The following DOCK1 variants were observed in gnomAD, a reference collection of about 807,000 sequenced individuals.
DOCK1 encodes dedicator of cytokinesis protein 1.
DOCK1 carries 138 observed loss-of-function variants against 262.7 expected under a neutral mutation model. The observed-to-expected ratio is 0.53, with a 90% confidence interval of 0.46 to 0.61. The LOEUF is 0.61. Among genes scored for constraint, DOCK1 ranks in the 20% least tolerant of loss-of-function variants. The pLI, the probability that DOCK1 is intolerant of heterozygous loss-of-function variation, is 0.00. For missense variants in DOCK1, 1,908 were observed against 2,370.7 expected, an observed-to-expected ratio of 0.80 and a Z score of 4.05; for synonymous variants, 866 against 867.4, an observed-to-expected ratio of 1.00 and a Z score of 0.03.
intron 1 of DOCK1, among the ~76,000 whole-genome samples, chr10:126,958,642 C>T (rs915339685): frequency 6.6e-6 from 1 of 152,066 alleles, no homozygotes; most frequent in Non-Finnish European, 1.5e-5. Flanking sequence ...CTTTGGGCAC[C>T]TGGGTATTAG....
chr10:127,443,076 C>A (rs2070294118), intron 49 of DOCK1, among the ~76,000 whole-genome samples: 1 of 152,138 alleles, frequency 6.6e-6, no homozygotes, highest in Non-Finnish European at 1.5e-5. Flanking sequence ...TCTACACATG[C>A]CTCTCTCCTC....
intron 15 of DOCK1, chr10:127,026,070 AAAG>A (rs1168493484): frequency 3.2e-5 from 10 of 307,786 alleles, no homozygotes; most frequent in East Asian, 2.1e-4. Flanking sequence ...AAAAAAAAAA[AAAG>A]AAAGAAAAAA....
chr10:127,191,722 G>C (rs1281764507), intron 27 of DOCK1, among the ~76,000 whole-genome samples: 1 of 152,178 alleles, frequency 6.6e-6, no homozygotes, highest in Non-Finnish European at 1.5e-5. Context: ...CAGTGAATAG[G>C]ATATAGCCCC....
rs375666837 is a variant in DOCK1 at position 127,106,246 on chromosome 10, T to C, written c.2461T>C (p.Tyr821His). The C allele has an allele frequency of 2.7e-5, 43 of 1,592,186 alleles. No homozygotes were observed. The highest frequency in any genetic ancestry group is 3.4e-5 in the Non-Finnish European group (40 of 1,167,994). ...TGATTTGCAGGGGGCAGCACTGAAA[T>C]ACTTACCAACGATCGTCAACGATGT... ...TVRVKGAALKYLPTIVNDVKL... is the reference protein window; with the variant it reads ...TVRVKGAALKHLPTIVNDVKL... Residue 821 changes from tyrosine (Y) to histidine (H), a missense_variant, in exon 24 of 52, where the codon TAC becomes CAC. Tyr to His is a moderately conservative substitution (Grantham distance 83, BLOSUM62 2). Transcript: ENST00000623213.
At chr10:127,026,161 T>C in intron 15 of DOCK1, 191 bp from the exon 16 acceptor site, 1 of 596,802 alleles carries the variant, frequency 1.7e-6, no homozygotes, top group Non-Finnish European at 2.9e-6. Flanking sequence ...TTGGCAGCTG[T>C]TACAATATGA....
chr10:127,206,506 G>A (rs1411861101), intron 27 of DOCK1, among the ~76,000 whole-genome samples: 1 of 152,148 alleles, frequency 6.6e-6, no homozygotes, highest in African/African-American at 2.4e-5. Flanking sequence ...CGCTATCAAT[G>A]TACAGAATTG....
intron 10 of DOCK1, among the ~76,000 whole-genome samples, chr10:127,005,583 C>A (rs1281418815): frequency 1.3e-5 from 2 of 152,078 alleles, no homozygotes; most frequent in African/African-American, 4.8e-5. Context: ...ACATTTCTGT[C>A]TTTTAACCTT....
At chr10:127,224,963 T>A (rs1485446578) in intron 27 of DOCK1, among the ~76,000 whole-genome samples, 2 of 152,098 alleles carry the variant, frequency 1.3e-5, no homozygotes, top group Admixed American at 1.3e-4. Flanking sequence ...AAAGCCATAC[T>A]TAATTGTTTA....
intron 27 of DOCK1, among the ~76,000 whole-genome samples, chr10:127,170,507 T>C (rs1392188454): frequency 1.3e-5 from 2 of 152,240 alleles, no homozygotes; most frequent in African/African-American, 2.4e-5. Context: ...AGAGTATCAT[T>C]AGGCTGTCAC....
intron 1 of DOCK1, among the ~76,000 whole-genome samples, chr10:126,915,335 C>T (rs545528820): frequency 4.0e-4 from 60 of 151,444 alleles, no homozygotes; most frequent in Non-Finnish European, 7.8e-4. Context: ...GTGTATTTTG[C>T]TACTTATGTC....
At chr10:127,391,134 A>C (rs2066452744) in intron 38 of DOCK1, among the ~76,000 whole-genome samples, 1 of 152,242 alleles carries the variant, frequency 6.6e-6, no homozygotes, top group South Asian at 2.1e-4. Flanking sequence ...AAAGAGTTAC[A>C]AAATGGGGAC....
intron 29 of DOCK1, among the ~76,000 whole-genome samples, chr10:127,313,514 G>A (rs891673542): frequency 6.6e-6 from 1 of 152,212 alleles, no homozygotes. Flanking sequence ...TCCTCCTTGG[G>A]TCAATCAATG....
intron 1 of DOCK1, among the ~76,000 whole-genome samples, chr10:126,940,495 C>T (rs1339650527): frequency 6.6e-6 from 1 of 152,156 alleles, no homozygotes; most frequent in African/African-American, 2.4e-5. Flanking sequence ...CCTCTGCCTC[C>T]CGGGTTCAAA....
chr10:127,112,487 TAGAC>T (rs967968322), intron 25 of DOCK1, among the ~76,000 whole-genome samples: 4 of 152,336 alleles, frequency 2.6e-5, no homozygotes, highest in Admixed American at 6.5e-5. Flanking sequence ...CCTTTTATCT[TAGAC>T]AGCCTGAAGT....
intron 18 of DOCK1, among the ~76,000 whole-genome samples, chr10:127,035,406 G>C (rs1370522242): frequency 6.6e-6 from 1 of 152,154 alleles, no homozygotes; most frequent in Admixed American, 6.5e-5. Context: ...TGGGCTGTGA[G>C]TCCCGGTAAT....
At chr10:127,254,891 TG>T in intron 28 of DOCK1, among the ~76,000 whole-genome samples, 1 of 152,272 alleles carries the variant, frequency 6.6e-6, no homozygotes, top group East Asian at 1.9e-4. Context: ...AAGTGAAGCA[TG>T]GGGACAAGAA....
chr10:127,284,861 G>T (rs760767833), intron 29 of DOCK1, among the ~76,000 whole-genome samples: 2 of 152,126 alleles, frequency 1.3e-5, no homozygotes, highest in Non-Finnish European at 2.9e-5. Flanking sequence ...GGCCAGGTGC[G>T]GTGGCTCACG....
chr10:127,334,390 T>C (rs1158613470), intron 29 of DOCK1, among the ~76,000 whole-genome samples: 1 of 152,238 alleles, frequency 6.6e-6, no homozygotes, highest in Non-Finnish European at 1.5e-5. Context: ...GAAAGCTTAC[T>C]GGTTTGTTGT....
intron 27 of DOCK1, among the ~76,000 whole-genome samples, chr10:127,212,526 G>C (rs918843186): frequency 6.6e-6 from 1 of 152,044 alleles, no homozygotes; most frequent in Admixed American, 6.6e-5. Flanking sequence ...TGTGCTTCTC[G>C]CTTGCAGACA....
Sources: allele counts gnomAD v4.1 joint callset (sites outside exome capture counted in the v4.1 genomes callset), GRCh38; gene constraint gnomAD v4.1.1; transcripts MANE v1.5; gene names NCBI Gene and HGNC (gene_info 2026-07-23, HGNC 2026-07-21).